The following TPM2 variants were observed in gnomAD, a reference collection of about 807,000 sequenced individuals.
TPM2 encodes the protein tropomyosin 2.
In TPM2, 26 loss-of-function variants were observed where a neutral mutation model predicts 41.0. That is an observed-to-expected ratio of 0.63 (90% confidence interval 0.46 to 0.88). The LOEUF is 0.88. TPM2 is among the 40% of genes least tolerant of loss of function. The pLI is 0.00. For missense variants in TPM2, 187 were observed against 355.2 expected (o/e 0.53, Z 3.81); for synonymous variants, 143 against 139.3 (o/e 1.03, Z -0.19).
At chr9:35,682,664 C>A, downstream of TPM2, 1 of 1,310,574 alleles carries the variant, frequency 7.6e-7, no homozygotes, top group Non-Finnish European at 1.0e-6. Flanking sequence ...GATCCTGGAA[C>A]CCCAGCTAAG....
rs533001203 is a variant in TPM2, at chr9:35,689,430, G to A, written c.115-159C>T. 5.2e-6 allele frequency: 5 copies of A among 968,646 alleles called. 1 individual carries two copies. The highest frequency in any genetic ancestry group is 9.5e-5 in the South Asian group (2 of 20,946). 60.0% of individuals were successfully genotyped at this position (968,646 alleles called of 1,614,324 possible). A position where few individuals can be genotyped will look rare whatever the true frequency, so the allele number is the denominator to read the frequency against. ...ACAGTCAAGGGTACTGGTGGGACCCGTTGAGGGTACAGAGAAAACTTCAGG... is the reference window on the plus strand; with the variant it reads ...ACAGTCAAGGGTACTGGTGGGACCCATTGAGGGTACAGAGAAAACTTCAGG... On this transcript the variant is annotated intron_variant, in intron 1 of 8. Transcript: ENST00000645482.
downstream of TPM2, chr9:35,682,190 A>G: frequency 6.2e-7 from 1 of 1,612,748 alleles, no homozygotes; most frequent in East Asian, 2.2e-5. Context: ...CAGGTGAGGG[A>G]GAAGGGAGAC....
downstream of TPM2, chr9:35,681,995 G>A (rs1307249442): frequency 7.0e-7 from 1 of 1,427,250 alleles, no homozygotes; most frequent in African/African-American, 1.4e-5. Context: ...ACCAAAGAAA[G>A]GATTAAAGGG....
chr9:35,687,828 T>A (rs1825011154), intron 2 of TPM2, among the ~76,000 whole-genome samples: 2 of 152,106 alleles, frequency 1.3e-5, no homozygotes, highest in African/African-American at 4.8e-5. Flanking sequence ...ATGGGACTGA[T>A]ATGTGCCATT....
Position 35,684,315 on chromosome 9 carries a change from C to T in TPM2, c.703G>A (p.Ala235Thr). The change falls in exon 8 of 9, where the codon GCT (alanine) becomes ACT (threonine). Residue 235 changes from alanine to threonine, a missense_variant and splice_region_variant. Coordinates refer to ENST00000645482, the MANE Select transcript of TPM2 (RefSeq NM_003289.4). ...TCGGCAAACTCTGCTCGGGTCTCAGCCTGGGGGTAAAGGCAGGATGGGAGA... is the reference window on the plus strand; with the variant it reads ...TCGGCAAACTCTGCTCGGGTCTCAGTCTGGGGGTAAAGGCAGGATGGGAGA... Reference protein sequence around the residue: ...IKLLEEKLKEAETRAEFAERS... With the variant: ...IKLLEEKLKETETRAEFAERS... The T allele has an allele frequency of 6.2e-7, 1 of 1,614,152 alleles. No homozygotes were observed. The highest frequency in any genetic ancestry group is 8.5e-7 in the Non-Finnish European group (1 of 1,180,018).
chr9:35,684,622 G>A, intron 6 of TPM2, 72 bp from the exon 7 acceptor site: 4 of 1,613,386 alleles, frequency 2.5e-6, no homozygotes, highest in Middle Eastern at 1.7e-4. Flanking sequence ...GTACCCCGTA[G>A]GCTCCTGGTC....
chr9:35,684,785 CCTCCT>C lies in TPM2; in HGVS notation c.581_585del (p.Glu194GlyfsTer25), dbSNP rs770601595. 3 of 1,612,834 alleles carry C rather than the reference CCTCCT, an allele frequency of 1.9e-6. No homozygotes were observed. The highest frequency in any genetic ancestry group is 2.5e-6 in the Non-Finnish European group (3 of 1,179,832). On this transcript the variant is annotated frameshift_variant, in exon 6 of 9. Transcript: ENST00000645482. LOFTEE classifies it high-confidence loss of function. Reference sequence around the variant, plus strand: ...AAGTTGTTGGTAACAATTTTCAGCTCCTCCTCTAGGTCCCCACATTTACTGCAGGG... The same window carrying C: ...AAGTTGTTGGTAACAATTTTCAGCTCCTAGGTCCCCACATTTACTGCAGGG...
intron 8 of TPM2, among the ~76,000 whole-genome samples, chr9:35,683,716 G>A (rs970004605): frequency 6.6e-6 from 1 of 152,234 alleles, no homozygotes; most frequent in Non-Finnish European, 1.5e-5. Context: ...AATAGCCACA[G>A]ACTCACAAAT....
intron 8 of TPM2, 70 bp from the exon 9 acceptor site, chr9:35,683,311 G>A (rs1450998809): frequency 2.7e-5 from 39 of 1,422,106 alleles, no homozygotes; most frequent in Non-Finnish European, 3.6e-5. Flanking sequence ...AGGAAAGGAA[G>A]GAGAGAGAGC....
At position 35,685,753 on chromosome 9, in the gene TPM2, G is replaced by A; in HGVS notation, c.268C>T (p.Arg90Cys). The change falls in exon 3 of 9, where the codon CGC becomes TGC. Residue 90 changes from arginine (R) to cysteine (C), a missense_variant. Coordinates refer to ENST00000645482, the MANE Select transcript of TPM2 (RefSeq NM_003289.4). This position sits in a 1 kb window ranked among gnomAD's most constrained non-coding sequence, Gnocchi z 5.0. ...TCCTCCTCAACCAGCTGAATGCGGC[G>A]GTTCAGGGAGGCCACATCTGCCTCA... ...DAEADVASLN[R>C]RIQLVEEELD... is the part of the protein sequence containing the mutation. 1.2e-6 allele frequency: 2 copies of A among 1,614,186 alleles called. No homozygotes were observed. Among genetic ancestry groups the A allele is most frequent in the Non-Finnish European group, 8.5e-7 (1 of 1,180,032 alleles).
At chr9:35,683,438 C>G (rs970352072) in intron 8 of TPM2, among the ~76,000 whole-genome samples, 197 bp from the exon 9 acceptor site, 4 of 152,212 alleles carry the variant, frequency 2.6e-5, no homozygotes, top group South Asian at 4.1e-4. Context: ...CATCTCTTTT[C>G]TGTCCTTCTC....
downstream of TPM2, chr9:35,682,704 G>C: frequency 7.6e-7 from 1 of 1,313,788 alleles, no homozygotes; most frequent in African/African-American, 1.5e-5. Context: ...GGCACCAGAG[G>C]CGGTCATGGT....
At chr9:35,688,941 G>A (rs927868666) in intron 2 of TPM2, among the ~76,000 whole-genome samples, 2 of 152,188 alleles carry the variant, frequency 1.3e-5, no homozygotes, top group Non-Finnish European at 2.9e-5. Context: ...GTCCTCTGGG[G>A]GAAGTGGTAG....
At position 35,685,873 on chromosome 9, in the gene TPM2, G is replaced by T. The variant is rs1824876293; in HGVS notation, c.241-93C>A. The T allele has an allele frequency of 6.3e-7, 1 of 1,590,996 alleles. No homozygotes were observed. Among genetic ancestry groups the T allele is most frequent in the Non-Finnish European group, 8.6e-7 (1 of 1,162,038 alleles). On this transcript the variant is annotated intron_variant, in intron 2 of 8. Coordinates refer to ENST00000645482, the MANE Select transcript of TPM2 (RefSeq NM_003289.4). The surrounding 1 kb of genome is among the most constrained non-coding windows in gnomAD (Gnocchi z 5.0). ...AGGATGGCGAGATTCTTCTCAGAAA[G>T]AACTGAGGCTTCCTGGTTTCTAGAC...
At chr9:35,682,248 G>A (rs930985062), downstream of TPM2, 1 of 1,417,290 alleles carries the variant, frequency 7.1e-7, no homozygotes, top group East Asian at 2.3e-5. Context: ...GTGACATATA[G>A]ACATGGAGTG....
At chr9:35,687,649 A>G (rs1824998464) in intron 2 of TPM2, among the ~76,000 whole-genome samples, 1 of 152,026 alleles carries the variant, frequency 6.6e-6, no homozygotes, top group African/African-American at 2.4e-5. Context: ...ACAGGGCCGG[A>G]TGACAGTGTG....
rs376185786 is a variant in TPM2, at chr9:35,685,183, C to T, written c.563+86G>A. 20 of 1,614,050 alleles carry T rather than the reference C, an allele frequency of 1.2e-5. No individual in the cohort carries two copies. The African/African-American group carries it at 2.4e-4, about 19-fold the overall frequency. On this transcript the variant is annotated intron_variant, in intron 5 of 8. Coordinates refer to ENST00000645482, the MANE Select transcript of TPM2 (RefSeq NM_003289.4). This position sits in a 1 kb window ranked among gnomAD's most constrained non-coding sequence, Gnocchi z 5.0. ...GGTCAGAGAACAGGGCCTGTCCCTACAGCCCCAAGCCTAGGATGCTACCTT... is the reference window on the plus strand; with the variant it reads ...GGTCAGAGAACAGGGCCTGTCCCTATAGCCCCAAGCCTAGGATGCTACCTT...
Position 35,683,097 on chromosome 9 carries a change from C to G in TPM2, c.*62G>C, listed in dbSNP as rs775471007. On this transcript the variant is annotated 3_prime_UTR_variant, in exon 9 of 9. Transcript: ENST00000645482. Reference sequence around the variant, plus strand: ...CTGCTCCTCCTGCCTGCTCCCCTCCCCATAGAGAGAATGGAAAGGAGAGGA... The same window carrying G: ...CTGCTCCTCCTGCCTGCTCCCCTCCGCATAGAGAGAATGGAAAGGAGAGGA... 42 of 1,551,766 alleles carry G rather than the reference C, an allele frequency of 2.7e-5. No individual in the cohort carries two copies. The highest frequency in any genetic ancestry group is 3.6e-5 in the Non-Finnish European group (41 of 1,147,018).
chr9:35,689,868 T>C lies in TPM2; in HGVS notation c.-51A>G, dbSNP rs774932278. ...GGCAGGCGGTGAGGACCGGACGGAC[T>C]GGGCTGGGTGAGCGGACTGGGTGCA... is the stretch of plus-strand genomic sequence containing the variant. On this transcript the variant is annotated 5_prime_UTR_variant, in exon 1 of 9. Transcript: ENST00000645482. 6.2e-7 allele frequency: 1 copy of C among 1,610,620 alleles called. No homozygotes were observed. Among genetic ancestry groups the C allele is most frequent in the Non-Finnish European group, 8.5e-7 (1 of 1,178,416 alleles).
Sources: allele counts gnomAD v4.1 joint callset (sites outside exome capture counted in the v4.1 genomes callset), GRCh38; gene constraint gnomAD v4.1.1; non-coding constraint Gnocchi (gnomAD v3.1); transcripts MANE v1.5; gene names NCBI Gene and HGNC (gene_info 2026-07-23, HGNC 2026-07-21).